The following ARHGAP10 variants were observed in gnomAD, a reference collection of about 807,000 sequenced individuals.
ARHGAP10 encodes rho GTPase-activating protein 10.
In ARHGAP10, 87 loss-of-function variants were observed where a neutral mutation model predicts 108.6. That is an observed-to-expected ratio of 0.80 (90% CI 0.67 to 0.96). The LOEUF (loss-of-function observed/expected upper bound fraction) is 0.96, where lower values mean the gene tolerates loss of function less well. Among genes scored for constraint, ARHGAP10 ranks in the 40% least tolerant of loss-of-function variants. ARHGAP10 has a pLI of 0.00. For missense variants in ARHGAP10, 939 were observed against 954.5 expected (o/e 0.98, Z 0.21); for synonymous variants, 347 against 341.1 (o/e 1.02, Z -0.19).
intron 1 of ARHGAP10, among the ~76,000 whole-genome samples, chr4:147,818,506 CGG>C (rs1471825738): frequency 6.9e-6 from 1 of 144,664 alleles, no homozygotes; most frequent in Non-Finnish European, 1.5e-5. Flanking sequence ...GCGGAGTTTG[CGG>C]TGAGCTGAGA....
intron 3 of ARHGAP10, among the ~76,000 whole-genome samples, chr4:147,840,320 C>T (rs983843568): frequency 4.6e-5 from 7 of 152,050 alleles, no homozygotes; most frequent in Non-Finnish European, 7.4e-5. Flanking sequence ...TTTTTTTCTT[C>T]TCTCATGCAG....
intron 16 of ARHGAP10, among the ~76,000 whole-genome samples, chr4:147,957,294 G>T (rs1738821654): frequency 6.6e-6 from 1 of 152,272 alleles, no homozygotes; most frequent in South Asian, 2.1e-4. Flanking sequence ...TTCCAATGTA[G>T]ACTTTAAGTT....
chr4:147,953,399 G>A (rs1738680830), intron 15 of ARHGAP10, among the ~76,000 whole-genome samples: 1 of 151,982 alleles, frequency 6.6e-6, no homozygotes, highest in South Asian at 2.1e-4. Context: ...TCTGGCCCTA[G>A]AGTTTTCTTA....
intron 13 of ARHGAP10, chr4:147,916,798 G>C (rs1737004396): frequency 6.6e-6 from 1 of 152,246 alleles, no homozygotes; most frequent in Non-Finnish European, 1.5e-5. Context: ...TGTACTGCCT[G>C]AGAGGAGCTC....
At chr4:148,023,134 G>A (rs1226462396) in intron 18 of ARHGAP10, 129 bp from the exon 19 acceptor site, 1 of 952,224 alleles carries the variant, frequency 1.1e-6, no homozygotes, top group Non-Finnish European at 1.5e-6. Context: ...TCATTGGAAG[G>A]AATGGATTTT....
At position 147,879,396 on chromosome 4, in the gene ARHGAP10, G is replaced by T; in HGVS notation, c.939+58G>T. On this transcript the variant is annotated intron_variant, in intron 9 of 22. Coordinates refer to ENST00000336498, the MANE Select transcript of ARHGAP10 (RefSeq NM_024605.4). ...AATCTGTCAGAGGTAGTGTTTGAGG[G>T]TGTCATTTTAATGGTTTATATTTTA... 1.2e-5 allele frequency: 18 copies of T among 1,448,886 alleles called. No individual in the cohort carries two copies. The South Asian group carries it at 1.6e-4, about 13-fold the overall frequency. 89.8% of individuals were successfully genotyped at this position (1,448,886 alleles called of 1,614,324 possible). A position where few individuals can be genotyped will look rare whatever the true frequency, so the allele number is the denominator to read the frequency against.
intron 13 of ARHGAP10, among the ~76,000 whole-genome samples, chr4:147,921,424 G>A (rs1737227119): frequency 6.6e-6 from 1 of 152,186 alleles, no homozygotes; most frequent in South Asian, 2.1e-4. Flanking sequence ...GATCCAATAG[G>A]AATAGTCAGG....
intron 16 of ARHGAP10, among the ~76,000 whole-genome samples, chr4:147,963,852 A>G (rs924632208): frequency 2.6e-5 from 4 of 152,112 alleles, no homozygotes; most frequent in African/African-American, 9.7e-5. Context: ...CTCTGCTGTG[A>G]CAGGACAACC....
intron 5 of ARHGAP10, 143 bp downstream of exon 5, chr4:147,857,797 GAA>G: frequency 1.4e-6 from 1 of 692,854 alleles, no homozygotes; most frequent in Non-Finnish European, 2.0e-6. Flanking sequence ...CATAAATTAA[GAA>G]AAAAGTCCTT....
At chr4:147,837,650 T>TTTTTTGTTTTTTTTTTG (rs1553955211) in intron 3 of ARHGAP10, among the ~76,000 whole-genome samples, 1 of 112,006 alleles carries the variant, frequency 8.9e-6, no homozygotes, top group Non-Finnish European at 1.8e-5. Context: ...ACTGTTTTTT[T>TTTTTTGTTTTTTTTTTG]TTTTTTTTTT....
At chr4:147,791,549 C>A (rs1046079036) in intron 1 of ARHGAP10, among the ~76,000 whole-genome samples, 1 of 151,712 alleles carries the variant, frequency 6.6e-6, no homozygotes, top group Non-Finnish European at 1.5e-5. Flanking sequence ...CGCGTGCGTG[C>A]GCGCGTGTAT....
At chr4:147,822,646 A>G (rs1470016382) in intron 1 of ARHGAP10, 81 bp from the exon 2 acceptor site, 1 of 1,405,458 alleles carries the variant, frequency 7.1e-7, no homozygotes, top group Admixed American at 1.7e-5. Context: ...CTACAGCTTT[A>G]CCAATTTTAG....
At chr4:147,773,042 G>A (rs1272210238) in intron 1 of ARHGAP10, among the ~76,000 whole-genome samples, 5 of 152,156 alleles carry the variant, frequency 3.3e-5, no homozygotes, top group Non-Finnish European at 5.9e-5. Context: ...AACACTTTAT[G>A]TACAGAGTAT....
chr4:147,898,286 A>G (rs1174493564), intron 10 of ARHGAP10, among the ~76,000 whole-genome samples: 2 of 152,030 alleles, frequency 1.3e-5, no homozygotes, highest in Admixed American at 1.3e-4. Flanking sequence ...TGGATATAGA[A>G]TTGTTTTCAT....
At chr4:147,776,083 A>G (rs1387291838) in intron 1 of ARHGAP10, among the ~76,000 whole-genome samples, 2 of 152,192 alleles carry the variant, frequency 1.3e-5, no homozygotes, top group African/African-American at 4.8e-5. Flanking sequence ...GATAATATAA[A>G]ATACCACTAC....
At chr4:147,744,005 A>G (rs935684918) in intron 1 of ARHGAP10, among the ~76,000 whole-genome samples, 2 of 152,134 alleles carry the variant, frequency 1.3e-5, no homozygotes, top group Non-Finnish European at 2.9e-5. Context: ...ACTGAACTCT[A>G]GCTATGGTGG....
At chr4:147,935,800 T>G (rs1737905806) in intron 13 of ARHGAP10, among the ~76,000 whole-genome samples, 1 of 152,212 alleles carries the variant, frequency 6.6e-6, no homozygotes, top group Non-Finnish European at 1.5e-5. Context: ...GTATTTTACG[T>G]GCGATTTCCA....
intron 18 of ARHGAP10, among the ~76,000 whole-genome samples, chr4:148,003,712 A>G (rs1036795724): frequency 3.9e-5 from 6 of 152,166 alleles, no homozygotes; most frequent in Non-Finnish European, 2.9e-5. Flanking sequence ...AGTCTGTTTT[A>G]TCAGAGACTA....
intron 3 of ARHGAP10, among the ~76,000 whole-genome samples, chr4:147,839,823 A>G (rs1733339240): frequency 6.6e-6 from 1 of 152,214 alleles, no homozygotes; most frequent in Non-Finnish European, 1.5e-5. Context: ...TTTCCTTTTT[A>G]GACATTTAAG....
Sources: gnomAD v4.1 joint callset for allele counts (sites outside exome capture counted in the v4.1 genomes callset) on GRCh38, gnomAD v4.1.1 for gene constraint, MANE v1.5 for transcripts, NCBI Gene and HGNC (gene_info 2026-07-23, HGNC 2026-07-21) for gene names.